The following SLC45A4 variants were observed in gnomAD, a reference collection of about 807,000 sequenced individuals.
SLC45A4 encodes the protein solute carrier family 45 member 4.
Under a neutral mutation model 63.7 loss-of-function variants are expected in SLC45A4, and 32 were observed. The observed-to-expected ratio is 0.50, with a 90% CI of 0.38 to 0.67. The LOEUF (loss-of-function observed/expected upper bound fraction) is 0.67, where lower values mean the gene tolerates loss of function less well. Ranked by LOEUF, SLC45A4 falls within the 30% of genes least tolerant of loss-of-function variation. SLC45A4 has a pLI of 0.00. For missense variants in SLC45A4, 1,027 were observed against 1,157.7 expected, an observed-to-expected ratio of 0.89 and a Z score of 1.64; for synonymous variants, 535 against 510.0, an observed-to-expected ratio of 1.05 and a Z score of -0.66.
At chr8:141,240,787 G>A (rs1389567197) in intron 2 of SLC45A4, among the ~76,000 whole-genome samples, 2 of 152,230 alleles carry the variant, frequency 1.3e-5, no homozygotes, top group Non-Finnish European at 2.9e-5. Context: ...GCCCGACACT[G>A]TGATTGGATC....
intron 2 of SLC45A4, chr8:141,252,716 CGT>C (rs1424763907): frequency 2.0e-5 from 2 of 99,190 alleles, no homozygotes; most frequent in Admixed American, 1.0e-4. Flanking sequence ...CGCCCACCTG[CGT>C]GTCTGTGAAT....
At chr8:141,262,716 A>G (rs1402589204) in intron 1 of SLC45A4, among the ~76,000 whole-genome samples, 2 of 152,210 alleles carry the variant, frequency 1.3e-5, no homozygotes, top group African/African-American at 4.8e-5. Flanking sequence ...CAGAAACAAC[A>G]GGTACTGGAG....
intron 5 of SLC45A4, 41 bp downstream of exon 5, chr8:141,217,970 G>A: frequency 6.5e-7 from 1 of 1,532,800 alleles, no homozygotes; most frequent in Middle Eastern, 1.8e-4. Flanking sequence ...AGCCGCAGGT[G>A]GGCAGAGAGA....
At chr8:141,221,542 G>A in intron 3 of SLC45A4, 35 bp downstream of exon 3, 1 of 1,599,642 alleles carries the variant, frequency 6.3e-7, no homozygotes, top group Non-Finnish European at 8.5e-7. Context: ...CCCCGTCTGT[G>A]TTGTGAGGAC....
At chr8:141,250,882 TCAAAA>T (rs911356464) in intron 2 of SLC45A4, among the ~76,000 whole-genome samples, 2 of 152,154 alleles carry the variant, frequency 1.3e-5, no homozygotes, top group Admixed American at 6.6e-5. Flanking sequence ...TAATAAATAA[TCAAAA>T]CAAAACAATG....
chr8:141,237,449 C>T (rs1021197117), intron 2 of SLC45A4, among the ~76,000 whole-genome samples: 1 of 152,230 alleles, frequency 6.6e-6, no homozygotes, highest in Admixed American at 6.5e-5. Context: ...CTTGGGGGCA[C>T]TGCCTCCTGG....
chr8:141,218,062 G>A lies in SLC45A4; in HGVS notation c.1578C>T (p.Ala526=), dbSNP rs61995882. Residue 526 remains alanine, a synonymous_variant, in exon 5 of 9, where the codon GCC becomes GCT. Transcript: ENST00000517878. ...LLTWFSVIAE[A]VFYTDFMGQV... is the part of the protein sequence containing the mutation. Reference sequence around the variant, plus strand: ...GGCCCATGAAGTCGGTGTAGAACACGGCCTCGGCGATGACAGAGAACCAGG... The same window carrying A: ...GGCCCATGAAGTCGGTGTAGAACACAGCCTCGGCGATGACAGAGAACCAGG... 3.1e-6 allele frequency: 5 copies of A among 1,612,568 alleles called. No individual in the cohort carries two copies. The highest frequency in any genetic ancestry group is 3.4e-6 in the Non-Finnish European group (4 of 1,179,944).
chr8:141,228,489 T>C (rs1238153431), intron 2 of SLC45A4: 7 of 1,332,114 alleles, frequency 5.3e-6, no homozygotes, highest in Non-Finnish European at 6.8e-6. Flanking sequence ...GCACCTGTCT[T>C]CACTGGCAGG....
At chr8:141,217,323 G>C (rs1017772466) in intron 5 of SLC45A4, 134 bp from the exon 6 acceptor site, 128 of 875,068 alleles carry the variant, frequency 1.5e-4, no homozygotes, top group Middle Eastern at 3.5e-4. Flanking sequence ...TCCAGGAGGA[G>C]AGCCCAGCCC....
intron 4 of SLC45A4, among the ~76,000 whole-genome samples, chr8:141,219,444 A>G (rs2304282): frequency 0.65 from 98,438 of 151,968 alleles, 32,405 homozygotes; most frequent in East Asian, 0.82. Context: ...TGCCCCTTGA[A>G]GCTCCTCAGT....
At chr8:141,295,694 T>G (rs550614380) in intron 1 of SLC45A4, among the ~76,000 whole-genome samples, 14 of 152,316 alleles carry the variant, frequency 9.2e-5, no homozygotes, top group African/African-American at 3.4e-4. Flanking sequence ...GCCCCTCGAT[T>G]GACCACTCGG....
chr8:141,277,864 G>A (rs138774790), intron 1 of SLC45A4, among the ~76,000 whole-genome samples: 2,018 of 151,938 alleles, frequency 0.013, 40 homozygotes, highest in African/African-American at 0.046. Flanking sequence ...GGATGCTCTC[G>A]ATCTCCTGAC....
intron 2 of SLC45A4, among the ~76,000 whole-genome samples, chr8:141,241,574 AAAAAAAAG>A (rs1187467974): frequency 1.4e-5 from 1 of 73,082 alleles, no homozygotes; most frequent in Non-Finnish European, 4.3e-5. Context: ...AGTCAAAGAA[AAAAAAAAG>A]AAAAACAGCT....
intron 1 of SLC45A4, among the ~76,000 whole-genome samples, chr8:141,282,317 G>A (rs1378911637): frequency 1.3e-5 from 2 of 152,170 alleles, no homozygotes; most frequent in Admixed American, 6.5e-5. Context: ...GTGGCCCCAC[G>A]ATGGAGTTTC....
At chr8:141,212,130 G>GCCC in intron 8 of SLC45A4, 67 bp downstream of exon 8, 5 of 1,210,968 alleles carry the variant, frequency 4.1e-6, no homozygotes, top group Non-Finnish European at 5.2e-6. Context: ...CCATGGCCTG[G>GCCC]CCCCGCCGCC....
At position 141,211,259 on chromosome 8, in the gene SLC45A4, GAGCGGTCT is replaced by G; in HGVS notation, c.*305_*312del. The G allele has an allele frequency of 2.1e-6, 1 of 484,264 alleles. No individual in the cohort carries two copies. Among genetic ancestry groups the G allele is most frequent in the Non-Finnish European group, 3.5e-6 (1 of 281,718 alleles). The allele number at this position is 484,264 out of a possible 1,614,324, so 30.0% of individuals were successfully genotyped here. Reference sequence around the variant, plus strand: ...AACGTTTCCTTCCCCCTGACGTTGGGAGCGGTCTGGAGGGGCAACCTGGCCTCCTAGGA... The same window carrying G: ...AACGTTTCCTTCCCCCTGACGTTGGGGGAGGGGCAACCTGGCCTCCTAGGA... On this transcript the variant is annotated 3_prime_UTR_variant, in exon 9 of 9. Transcript: ENST00000517878.
At position 141,208,511 on chromosome 8, in the gene SLC45A4, T is replaced by TC. The variant is rs373435686; in HGVS notation, c.*3060dup. The TC allele has an allele frequency of 3.2e-3, 485 of 151,432 alleles. 4 individuals carry two copies. The highest frequency in any genetic ancestry group is 0.011 in the African/African-American group (455 of 41,170). 9.4% of individuals were successfully genotyped at this position (151,432 alleles called of 1,614,324 possible). On this transcript the variant is annotated 3_prime_UTR_variant, in exon 9 of 9. Coordinates refer to ENST00000517878, the MANE Select transcript of SLC45A4 (RefSeq NM_001286646.2). Reference sequence around the variant, plus strand: ...CTGAGGAGGGCTCAGTGGCCCTGCCTCCCCCCCGGGGACAGGACTGGACAG... The same window carrying TC: ...CTGAGGAGGGCTCAGTGGCCCTGCCTCCCCCCCCGGGGACAGGACTGGACAG...
chr8:141,229,950 AT>A lies in SLC45A4; in HGVS notation c.242-8186del, dbSNP rs373341198. 901 of 420,544 alleles carry A rather than the reference AT, an allele frequency of 2.1e-3. 14 individuals carry two copies. The highest frequency in any genetic ancestry group is 0.015 in the South Asian group (882 of 58,180). The allele number at this position is 420,544 out of a possible 1,614,324, so 26.1% of individuals were successfully genotyped here. On this transcript the variant is annotated intron_variant, in intron 2 of 8. Transcript: ENST00000517878. The surrounding 1 kb of genome is among the most constrained non-coding windows in gnomAD (Gnocchi z 5.0). The stretch of plus-strand genomic sequence containing the variant: ...CGCACAGCTCAGCGCTGGACACTAG[AT>A]CCCTGCCTGCACTCCCGAGGCCGTG...
In SLC45A4 at chr8:141,288,365, C is replaced by T. The variant is rs185170336; in HGVS notation, c.-401+19731G>A. ...TGGCACTTAGGGGTGTTCAAGCTCA[C>T]GTCCAGTAAGAGAAATGCAAATTGC... On this transcript the variant is annotated intron_variant, in intron 1 of 8. Coordinates refer to ENST00000517878, the MANE Select transcript of SLC45A4 (RefSeq NM_001286646.2). Among the ~76,000 whole-genome samples the T allele has an allele frequency of 3.9e-5, 6 of 152,308 alleles. No homozygotes were observed. In the East Asian group the frequency reaches 5.8e-4, roughly 15 times the overall value.
Sources: gnomAD v4.1 joint callset for allele counts (sites outside exome capture counted in the v4.1 genomes callset) on GRCh38, gnomAD v4.1.1 for gene constraint, Gnocchi (gnomAD v3.1) non-coding constraint, MANE v1.5 for transcripts, NCBI Gene and HGNC (gene_info 2026-07-23, HGNC 2026-07-21) for gene names.